Variants in VPS4A observed in about 807,000 individuals in gnomAD.
VPS4A encodes the protein vacuolar protein sorting-associated protein 4A.
A neutral mutation model predicts 52.3 loss-of-function variants in VPS4A; 20 were observed. The observed-to-expected ratio is 0.38, with a 90% CI of 0.27 to 0.56. The LOEUF (loss-of-function observed/expected upper bound fraction) is 0.56. Among genes scored for constraint, VPS4A ranks in the 20% least tolerant of loss-of-function variants. VPS4A has a pLI of 0.72. For synonymous variants in VPS4A, 293 were observed against 227.7 expected (o/e 1.29, Z -2.58); for missense variants, 419 against 575.9 (o/e 0.73, Z 2.79).
In VPS4A at chr16:69,326,479, G is replaced by C. The variant is rs2143281439; in HGVS notation, c.*2170G>C. 1 of 152,340 alleles carries C rather than the reference G, an allele frequency of 6.6e-6. No individual in the cohort carries two copies. Among genetic ancestry groups the C allele is most frequent in the Non-Finnish European group, 1.5e-5 (1 of 68,040 alleles). 9.4% of individuals were successfully genotyped at this position (152,340 alleles called of 1,614,324 possible). ...CTTCTAGTTACATTTACTTGAATCA[G>C]AACGTTGTTTCCTCATTCCTACTGC... On this transcript the variant is annotated 3_prime_UTR_variant, in exon 11 of 11. Coordinates refer to ENST00000254950, the MANE Select transcript of VPS4A (RefSeq NM_013245.3).
At chr16:69,322,904 C>G in intron 10 of VPS4A, 1 of 435,996 alleles carries the variant, frequency 2.3e-6, no homozygotes, top group Non-Finnish European at 3.8e-6. Context: ...CCTGTCTCTA[C>G]TAAAAATACA....
At chr16:69,318,570 A>G (rs1965467126) in intron 3 of VPS4A, 80 bp from the exon 4 acceptor site, 1 of 1,474,946 alleles carries the variant, frequency 6.8e-7, no homozygotes, top group Non-Finnish European at 9.3e-7. Flanking sequence ...GTGTGCAGGC[A>G]GCGGAGCCTG....
At position 69,320,479 on chromosome 16, in the gene VPS4A, C is replaced by T; in HGVS notation, c.769+190C>T. On this transcript the variant is annotated intron_variant, in intron 7 of 10. Coordinates refer to ENST00000254950, the MANE Select transcript of VPS4A (RefSeq NM_013245.3). The surrounding 1 kb of genome is among the most constrained non-coding windows in gnomAD (Gnocchi z 4.2). ...GAGGCCTCTGCCTCACGGGCCACTC[C>T]ACCCCTCCCATGGCAGGCAGTGCCA... is the stretch of plus-strand genomic sequence containing the variant. 1.2e-6 allele frequency: 1 copy of T among 858,898 alleles called. No individual in the cohort carries two copies. Among genetic ancestry groups the T allele is most frequent in the Non-Finnish European group, 1.8e-6 (1 of 564,730 alleles). 53.2% of individuals were successfully genotyped at this position (858,898 alleles called of 1,614,324 possible).
chr16:69,314,030 A>T (rs1597210709), intron 1 of VPS4A, among the ~76,000 whole-genome samples: 1 of 114,162 alleles, frequency 8.8e-6, no homozygotes. Context: ...CTCTGGTGTG[A>T]TCTCGGTTCT....
rs777006325 is a variant in VPS4A at position 69,321,325 on chromosome 16, G to A, written c.1071+55G>A. On this transcript the variant is annotated intron_variant, in intron 9 of 10. Coordinates refer to ENST00000254950, the MANE Select transcript of VPS4A (RefSeq NM_013245.3). The surrounding 1 kb of genome is among the most constrained non-coding windows in gnomAD (Gnocchi z 4.5). Reference sequence around the variant, plus strand: ...ATCTCATAGTAAGAGCGGGATGTTCGGTTTTTTTTTTCCCAGCTCCTGGTC... The same window carrying A: ...ATCTCATAGTAAGAGCGGGATGTTCAGTTTTTTTTTTCCCAGCTCCTGGTC... The A allele has an allele frequency of 3.1e-5, 44 of 1,406,640 alleles. No homozygotes were observed. Among genetic ancestry groups the A allele is most frequent in the Non-Finnish European group, 3.8e-5 (39 of 1,038,848 alleles). 87.1% of individuals were successfully genotyped at this position (1,406,640 alleles called of 1,614,324 possible).
In VPS4A at chr16:69,318,839, G is replaced by T; in HGVS notation, c.360G>T (p.Glu120Asp). Residue 120 changes from glutamate to aspartate, a missense_variant, in exon 5 of 11, where the codon GAG becomes GAT. Physicochemically the swap from Glu to Asp is conservative, Grantham distance 45. Around this residue, in one of 3 missense-constraint regions of VPS4A, gnomAD observed 131 missense variants for 165.4 expected, o/e 0.79. Coordinates refer to ENST00000254950, the MANE Select transcript of VPS4A (RefSeq NM_013245.3). The part of the protein sequence containing the change: ...QEQLMGAVVM[E>D]KPNIRWNDVA... ...CTCTCGCAGGTGCCGTCGTGATGGA[G>T]AAGCCCAACATACGGTGGAACGACG... 1 of 1,613,430 alleles carries T rather than the reference G, an allele frequency of 6.2e-7. No homozygotes were observed. The highest frequency in any genetic ancestry group is 2.2e-5 in the East Asian group (1 of 44,854).
intron 10 of VPS4A, 90 bp from the exon 11 acceptor site, chr16:69,324,118 C>T: frequency 7.3e-7 from 1 of 1,364,182 alleles, no homozygotes; most frequent in African/African-American, 1.4e-5. Context: ...CAAACCTCTT[C>T]CCACCCTCAG....
intron 3 of VPS4A, 21 bp downstream of exon 3, chr16:69,316,393 C>T: frequency 1.2e-6 from 2 of 1,612,382 alleles, no homozygotes; most frequent in Non-Finnish European, 1.7e-6. Flanking sequence ...GCAGCGTCCG[C>T]CCAGGAACCT....
chr16:69,312,772 C>G (rs1277493415), intron 1 of VPS4A, among the ~76,000 whole-genome samples: 2 of 151,704 alleles, frequency 1.3e-5, no homozygotes, highest in Non-Finnish European at 2.9e-5. Context: ...GCAACCACGC[C>G]CGGCTAATTT....
chr16:69,318,982 C>T, intron 5 of VPS4A, 40 bp downstream of exon 5: 1 of 1,598,208 alleles, frequency 6.3e-7, no homozygotes. Context: ...GTAAAAATTC[C>T]AGGCTTCCGC....
rs1193076012 is a variant in VPS4A at position 69,324,220 on chromosome 16, C to T, written c.1225C>T (p.Arg409Trp). ...GTTGCCTTCACAGTCGGACATGCTG[C>T]GGTCTCTGGCCACCACCCGGCCCAC... Reference protein sequence around the residue: ...EPVVCMSDMLRSLATTRPTVN... With the variant: ...EPVVCMSDMLWSLATTRPTVN... Residue 409 changes from arginine (R) to tryptophan (W), a missense_variant, in exon 11 of 11, where the codon CGG becomes TGG. This residue lies in a region of VPS4A where 185 missense variants were observed against 200.2 expected (regional missense o/e 0.92). Transcript: ENST00000254950. 3.7e-6 allele frequency: 6 copies of T among 1,613,468 alleles called. No homozygotes were observed. The highest frequency in any genetic ancestry group is 1.1e-5 in the South Asian group (1 of 90,870).
At chr16:69,312,570 T>G (rs1016694273) in intron 1 of VPS4A, among the ~76,000 whole-genome samples, 1 of 152,122 alleles carries the variant, frequency 6.6e-6, no homozygotes. Context: ...ACCGAGAATG[T>G]TTTTCAGTTT....
rs778148877 is a variant in VPS4A, at chr16:69,326,707, C to T, written c.*2398C>T. ...ACAACCTGCCATCATCGATGTTAAA[C>T]ATGCTGACATGTGCAGAGGAGTTTC... On this transcript the variant is annotated 3_prime_UTR_variant, in exon 11 of 11. Transcript: ENST00000254950. 6.6e-6 allele frequency: 1 copy of T among 152,252 alleles called. No individual in the cohort carries two copies. The highest frequency in any genetic ancestry group is 1.5e-5 in the Non-Finnish European group (1 of 68,052). 9.4% of individuals were successfully genotyped at this position (152,252 alleles called of 1,614,324 possible). A position where few individuals can be genotyped will look rare whatever the true frequency, so the allele number is the denominator to read the frequency against.
At chr16:69,318,987 T>G in intron 5 of VPS4A, 45 bp downstream of exon 5, 1 of 1,598,430 alleles carries the variant, frequency 6.3e-7, no homozygotes. Flanking sequence ...AATTCCAGGC[T>G]TCCGCAGGGC....
At chr16:69,324,044 T>G (rs1009972105) in intron 10 of VPS4A, among the ~76,000 whole-genome samples, 164 bp from the exon 11 acceptor site, 5 of 151,368 alleles carry the variant, frequency 3.3e-5, no homozygotes, top group Non-Finnish European at 1.5e-5. Context: ...CTGAGCTGCC[T>G]CGAGAGGGAA....
chr16:69,319,994 G>A, intron 6 of VPS4A, 147 bp from the exon 7 acceptor site: 1 of 1,093,620 alleles, frequency 9.1e-7, no homozygotes, highest in Non-Finnish European at 1.3e-6. Context: ...TGTGGCCCGA[G>A]GGCTCCTCAC....
At chr16:69,314,483 A>G (rs1430270310) in intron 1 of VPS4A, among the ~76,000 whole-genome samples, 1 of 152,050 alleles carries the variant, frequency 6.6e-6, no homozygotes, top group Non-Finnish European at 1.5e-5. Context: ...GTCTCATCTG[A>G]AGGAACATCA....
chr16:69,320,512 C>A lies in VPS4A; in HGVS notation c.770-176C>A. ...CCATGGCAGGCAGTGCCATAGGTCTCACCTGGCACAGCCAGACCAAGATGT... is the reference window on the plus strand; with the variant it reads ...CCATGGCAGGCAGTGCCATAGGTCTAACCTGGCACAGCCAGACCAAGATGT... On this transcript the variant is annotated intron_variant, in intron 7 of 10. Transcript: ENST00000254950. This position sits in a 1 kb window ranked among gnomAD's most constrained non-coding sequence, Gnocchi z 4.2. 1 of 805,068 alleles carries A rather than the reference C, an allele frequency of 1.2e-6. No individual in the cohort carries two copies. Among genetic ancestry groups the A allele is most frequent in the Non-Finnish European group, 1.9e-6 (1 of 513,034 alleles). 49.9% of individuals were successfully genotyped at this position (805,068 alleles called of 1,614,324 possible). A position where few individuals can be genotyped will look rare whatever the true frequency, so the allele number is the denominator to read the frequency against.
intron 5 of VPS4A, 93 bp downstream of exon 5, chr16:69,319,035 G>GC (rs1357127353): frequency 7.8e-6 from 12 of 1,533,948 alleles, no homozygotes; most frequent in African/African-American, 4.1e-5. Flanking sequence ...TGGCGACTCA[G>GC]CCCCCGGGGC....
Sources: allele counts gnomAD v4.1 joint callset (sites outside exome capture counted in the v4.1 genomes callset), GRCh38; gene constraint gnomAD v4.1.1; regional missense constraint gnomAD v4.1.1; non-coding constraint Gnocchi (gnomAD v3.1); transcripts MANE v1.5; gene names NCBI Gene and HGNC (gene_info 2026-07-23, HGNC 2026-07-21).